The following KIAA1586 variants were observed in gnomAD, a reference collection of about 807,000 sequenced individuals.
KIAA1586 encodes the protein E3 SUMO-protein ligase KIAA1586.
A neutral mutation model predicts 6.1 loss-of-function variants in KIAA1586; 5 were observed. That is an observed-to-expected ratio of 0.82 (90% CI 0.43 to 1.73). The LOEUF (loss-of-function observed/expected upper bound fraction) is 1.73, where lower values mean the gene tolerates loss of function less well. Ranked by LOEUF, KIAA1586 falls within the 40% of genes most tolerant of loss-of-function variation. The pLI, the probability that KIAA1586 is intolerant of heterozygous loss-of-function variation, is 0.02. For missense variants in KIAA1586, 899 were observed against 878.2 expected (o/e 1.02, Z -0.30); for synonymous variants, 280 against 301.7 (o/e 0.93, Z 0.75).
Position 57,054,657 on chromosome 6 carries a change from A to T in KIAA1586, c.2158A>T (p.Arg720Trp). ...CAATTTAATGAACATAATTTGTACA[A>T]GGGTGAGAAATAGTTTAACAATAGA... ...GFNLMNIICT[R>W]VRNSLTIDHV... Residue 720 changes from arginine (R) to tryptophan (W), a missense_variant, in exon 4 of 4, where the codon AGG becomes TGG. Physicochemically the swap from Arg to Trp is moderately radical, Grantham distance 101 (BLOSUM62 -3). Transcript: ENST00000370733. 1 of 1,565,230 alleles carries T rather than the reference A, an allele frequency of 6.4e-7. No homozygotes were observed. Among genetic ancestry groups the T allele is most frequent in the Non-Finnish European group, 8.7e-7 (1 of 1,152,642 alleles).
the KIAA1586 span, among the ~76,000 whole-genome samples, chr6:57,060,301 C>T: frequency 6.6e-6 from 1 of 152,084 alleles, no homozygotes; most frequent in African/African-American, 2.4e-5. Flanking sequence ...ATGGCAAGAC[C>T]TGGATCAAGC....
rs1828468850 is a variant in KIAA1586, at chr6:57,054,906, A to G, written c.*43A>G. On this transcript the variant is annotated 3_prime_UTR_variant, in exon 4 of 4. Coordinates refer to ENST00000370733, the MANE Select transcript of KIAA1586 (RefSeq NM_020931.4). ...TTGTCATCTGTAAATTATGTACTAC[A>G]CATCCTTTATATACATAAAGGTCTT... 3 of 1,475,258 alleles carry G rather than the reference A, an allele frequency of 2.0e-6. No individual in the cohort carries two copies. The highest frequency in any genetic ancestry group is 2.7e-6 in the Non-Finnish European group (3 of 1,110,384). 91.4% of individuals were successfully genotyped at this position (1,475,258 alleles called of 1,614,324 possible).
chr6:57,052,254 T>G (rs1035513023), intron 3 of KIAA1586, among the ~76,000 whole-genome samples: 1 of 152,104 alleles, frequency 6.6e-6, no homozygotes, highest in African/African-American at 2.4e-5. Context: ...TTATAAAAAC[T>G]TTTATGGCAT....
chr6:57,050,117 T>C (rs1159891597), intron 2 of KIAA1586, among the ~76,000 whole-genome samples: 2 of 152,008 alleles, frequency 1.3e-5, no homozygotes, highest in East Asian at 3.9e-4. Context: ...CAGCTGAGAC[T>C]GGCACTGTGC....
the KIAA1586 span, among the ~76,000 whole-genome samples, chr6:57,064,067 C>A: frequency 8.1e-3 from 1,233 of 152,284 alleles, 20 homozygotes; most frequent in African/African-American, 0.028. Context: ...AACAGGCTTG[C>A]TGAAGAAGCT....
At chr6:57,060,135 G>C (rs534798190), downstream of KIAA1586, among the ~76,000 whole-genome samples, 53 of 152,214 alleles carry the variant, frequency 3.5e-4, no homozygotes, top group African/African-American at 1.2e-3. Flanking sequence ...CACTTAAACA[G>C]ATTTATAATC....
chr6:57,062,329 A>G, the KIAA1586 span, among the ~76,000 whole-genome samples: 1 of 152,232 alleles, frequency 6.6e-6, no homozygotes, highest in Non-Finnish European at 1.5e-5. Flanking sequence ...AATTGACAGT[A>G]TCCTCTAGCA....
At chr6:57,052,581 A>T in intron 3 of KIAA1586, 105 bp from the exon 4 acceptor site, 1 of 814,406 alleles carries the variant, frequency 1.2e-6, no homozygotes, top group Non-Finnish European at 1.8e-6. Flanking sequence ...TTAAATATTT[A>T]AGTTTAAAAT....
Position 57,054,737 on chromosome 6 carries a change from G to C in KIAA1586, c.2238G>C (p.Trp746Cys). The C allele has an allele frequency of 6.4e-7, 1 of 1,551,288 alleles. No homozygotes were observed. The highest frequency in any genetic ancestry group is 8.7e-7 in the Non-Finnish European group (1 of 1,146,782). ...TACTGGGGAAAGAATTAGCAGATTG[G>C]GATGCAACACCGTTTGTAAAATCTT... ...INLLGKELAD[W>C]DATPFVKSWS... is the part of the protein sequence containing the mutation. Residue 746 changes from tryptophan (W) to cysteine (C), a missense_variant, in exon 4 of 4, where the codon TGG becomes TGC. By Grantham distance (215) the Trp-to-Cys change is radical. Transcript: ENST00000370733.
downstream of KIAA1586, among the ~76,000 whole-genome samples, chr6:57,058,681 A>G (rs1562573588): frequency 6.6e-6 from 1 of 152,234 alleles, no homozygotes; most frequent in Admixed American, 6.5e-5. Flanking sequence ...ATTGAAATCA[A>G]AACTTCTAAA....
At position 57,054,418 on chromosome 6, in the gene KIAA1586, C is replaced by G; in HGVS notation, c.1919C>G (p.Pro640Arg). Residue 640 changes from proline to arginine, a missense_variant, in exon 4 of 4, where the codon CCT (proline) becomes CGT (arginine). By Grantham distance (103) the Pro-to-Arg change is moderately radical (BLOSUM62 -2). Transcript: ENST00000370733. ...YFDLLEPSTW[P>R]YEEITSPWIA... ...GATTTGCTGGAACCTTCCACATGGC[C>G]TTATGAAGAAATAACTTCACCATGG... The G allele has an allele frequency of 6.2e-7, 1 of 1,609,578 alleles. No individual in the cohort carries two copies. Among genetic ancestry groups the G allele is most frequent in the Non-Finnish European group, 8.5e-7 (1 of 1,178,002 alleles).
the KIAA1586 span, among the ~76,000 whole-genome samples, chr6:57,065,498 T>G: frequency 4.6e-5 from 7 of 152,012 alleles, no homozygotes; most frequent in Admixed American, 1.3e-4. Flanking sequence ...TTTTGTTTTT[T>G]TTTTTTTTGA....
chr6:57,053,302 G>T lies in KIAA1586; in HGVS notation c.803G>T (p.Gly268Val). 1 of 1,612,390 alleles carries T rather than the reference G, an allele frequency of 6.2e-7. No homozygotes were observed. The highest frequency in any genetic ancestry group is 8.5e-7 in the Non-Finnish European group (1 of 1,179,280). Residue 268 changes from glycine to valine, a missense_variant, in exon 4 of 4, where the codon GGG (glycine) becomes GTG (valine). By Grantham distance (109) the Gly-to-Val change is moderately radical. Coordinates refer to ENST00000370733, the MANE Select transcript of KIAA1586 (RefSeq NM_020931.4). ...KHNRPLSDIEGARELQEKNGE... is the reference protein window; with the variant it reads ...KHNRPLSDIEVARELQEKNGE... ...AACAGACCTTTATCTGATATTGAGG[G>T]GGCAAGAGAATTACAGGAAAAAAAT...
chr6:57,047,846 T>C (rs1221884637), intron 2 of KIAA1586, among the ~76,000 whole-genome samples: 2 of 109,698 alleles, frequency 1.8e-5, no homozygotes, highest in Non-Finnish European at 3.6e-5. Flanking sequence ...GAGATCATCA[T>C]GTTACGGCAT....
At chr6:57,049,347 G>A (rs1828262752) in intron 2 of KIAA1586, among the ~76,000 whole-genome samples, 2 of 152,092 alleles carry the variant, frequency 1.3e-5, no homozygotes, top group Non-Finnish European at 2.9e-5. Flanking sequence ...ATGCAATGCT[G>A]CTGGGTATAG....
At chr6:57,052,291 A>G (rs1828348861) in intron 3 of KIAA1586, among the ~76,000 whole-genome samples, 1 of 152,258 alleles carries the variant, frequency 6.6e-6, no homozygotes, top group African/African-American at 2.4e-5. Flanking sequence ...ATTAAAAATA[A>G]TCTAGAAATG....
chr6:57,052,722 T>C lies in KIAA1586; in HGVS notation c.223T>C (p.Phe75Leu), dbSNP rs36113897. The C allele has an allele frequency of 0.061, 95,505 of 1,576,008 alleles. 3,420 individuals carry two copies. Among genetic ancestry groups the C allele is most frequent in the Non-Finnish European group, 0.071 (82,586 of 1,163,776 alleles). ...FPKMPKRQGDFLHFLNVKKVK... is the reference protein window; with the variant it reads ...FPKMPKRQGDLLHFLNVKKVK... The stretch of plus-strand genomic sequence containing the variant: ...TAAAATGCCAAAACGACAGGGTGAT[T>C]TTTTGCATTTTTTAAATGTGAAGAA... Residue 75 changes from phenylalanine (F) to leucine (L), a missense_variant, in exon 4 of 4, where the codon TTT becomes CTT. Transcript: ENST00000370733.
In KIAA1586 at chr6:57,046,709, G is replaced by C. The variant is rs1463156415; in HGVS notation, c.-47G>C. On this transcript the variant is annotated 5_prime_UTR_variant, in exon 1 of 4. Transcript: ENST00000370733. ...AAGGGGAGTGGTGGCGGCTGCGGCA[G>C]TAGGGACAGCAGGAGCAGTGGTGCT... 6.2e-7 allele frequency: 1 copy of C among 1,610,286 alleles called. No homozygotes were observed. The highest frequency in any genetic ancestry group is 1.7e-5 in the Admixed American group (1 of 59,696).
chr6:57,063,605 C>T, the KIAA1586 span, among the ~76,000 whole-genome samples: 2 of 151,708 alleles, frequency 1.3e-5, no homozygotes, highest in Non-Finnish European at 2.9e-5. Context: ...AGGTGCACGC[C>T]ACCACAGTTG....
Sources: allele counts gnomAD v4.1 joint callset (sites outside exome capture counted in the v4.1 genomes callset), GRCh38; gene constraint gnomAD v4.1.1; transcripts MANE v1.5; gene names NCBI Gene and HGNC (gene_info 2026-07-23, HGNC 2026-07-21).